GPR158: variants seen among roughly 807,000 people sequenced by gnomAD.
GPR158 encodes the protein G protein-coupled receptor 158, also known as metabotropic glycine receptor.
Under a neutral mutation model 78.2 loss-of-function variants are expected in GPR158, and 30 were observed. The ratio of observed to expected loss-of-function variants is 0.38; its 90% CI spans 0.29 to 0.52. The LOEUF (loss-of-function observed/expected upper bound fraction) is 0.52. GPR158 is among the 20% of genes least tolerant of loss of function. The probability of loss-of-function intolerance (pLI) is 0.83; values close to 1 mark genes in which losing one functional copy is unlikely to be tolerated. For synonymous variants in GPR158, 581 were observed against 591.1 expected, an observed-to-expected ratio of 0.98 and a Z score of 0.25; for missense variants, 1,463 against 1,523.5, an observed-to-expected ratio of 0.96 and a Z score of 0.66.
At chr10:25,518,192 T>C (rs1302017696) in intron 5 of GPR158, among the ~76,000 whole-genome samples, 1 of 87,470 alleles carries the variant, frequency 1.1e-5, no homozygotes, top group South Asian at 3.6e-4. Context: ...GATGGTAGTT[T>C]GTATTTCTGT....
At chr10:25,552,442 T>C (rs1218738874) in intron 6 of GPR158, among the ~76,000 whole-genome samples, 1 of 151,956 alleles carries the variant, frequency 6.6e-6, no homozygotes, top group African/African-American at 2.4e-5. Context: ...CCTGAAAGAG[T>C]AGACACCCCG....
At chr10:25,572,112 T>C (rs2130731424) in intron 6 of GPR158, among the ~76,000 whole-genome samples, 1 of 152,256 alleles carries the variant, frequency 6.6e-6, no homozygotes, top group East Asian at 1.9e-4. Context: ...TATTTTTTGA[T>C]CCCCCAGAAA....
At chr10:25,318,340 T>G (rs1365767855) in intron 2 of GPR158, among the ~76,000 whole-genome samples, 1 of 152,128 alleles carries the variant, frequency 6.6e-6, no homozygotes, top group Admixed American at 6.5e-5. Flanking sequence ...TAGAATGCTT[T>G]TTGGAGTCCC....
chr10:25,196,108 T>A (rs1852840455), intron 1 of GPR158, among the ~76,000 whole-genome samples: 1 of 148,048 alleles, frequency 6.8e-6, no homozygotes, highest in Non-Finnish European at 1.5e-5. Flanking sequence ...AGAAACTTTC[T>A]TTTATGATTA....
At position 25,602,154 on chromosome 10, in the gene GPR158, G is replaced by A. The variant is rs746130235; in HGVS notation, c.*2880G>A. On this transcript the variant is annotated 3_prime_UTR_variant, in exon 11 of 11. Coordinates refer to ENST00000376351, the MANE Select transcript of GPR158 (RefSeq NM_020752.3). ...TACAGCATCCCACCATGAAATATTTGGTAAATTTATGTTGTGACGTGTTGC... is the reference window on the plus strand; with the variant it reads ...TACAGCATCCCACCATGAAATATTTAGTAAATTTATGTTGTGACGTGTTGC... 3.3e-5 allele frequency: 5 copies of A among 152,448 alleles called. No individual in the cohort carries two copies. Among genetic ancestry groups the A allele is most frequent in the Admixed American group, 6.6e-5 (1 of 15,256 alleles). The allele number at this position is 152,448 out of a possible 1,614,324, so 9.4% of individuals were successfully genotyped here. A position where few individuals can be genotyped will look rare whatever the true frequency, so the allele number is the denominator to read the frequency against.
At chr10:25,375,858 TTTAG>T (rs1834071621) in intron 2 of GPR158, among the ~76,000 whole-genome samples, 1 of 151,620 alleles carries the variant, frequency 6.6e-6, no homozygotes. Context: ...TCGCAATTGT[TTTAG>T]TTATTCTAGG....
rs557628837 is a variant in GPR158, at chr10:25,326,127, G to C, written c.1009-69784G>C. Among the ~76,000 whole-genome samples, 4 of 152,202 alleles carry C rather than the reference G, an allele frequency of 2.6e-5. No individual in the cohort carries two copies. In the South Asian group the frequency reaches 8.3e-4, roughly 32 times the overall value. On this transcript the variant is annotated intron_variant, in intron 2 of 10. Coordinates refer to ENST00000376351, the MANE Select transcript of GPR158 (RefSeq NM_020752.3). ...CCCTCCCCCTAACAGGCTTCAGTGT[G>C]AGTTGTTCCTGCCCACATGTCCATG... is the stretch of plus-strand genomic sequence containing the variant.
At chr10:25,355,444 A>C (rs1855536086) in intron 2 of GPR158, among the ~76,000 whole-genome samples, 1 of 152,060 alleles carries the variant, frequency 6.6e-6, no homozygotes. Context: ...GTTTTACTGG[A>C]GATCACAGAG....
chr10:25,398,168 C>G (rs766454440), intron 3 of GPR158, among the ~76,000 whole-genome samples: 9 of 152,138 alleles, frequency 5.9e-5, no homozygotes, highest in Admixed American at 1.3e-4. Context: ...TGGTGAGGCC[C>G]TAAACAGAGA....
At chr10:25,237,453 C>A (rs922769768) in intron 2 of GPR158, among the ~76,000 whole-genome samples, 1 of 152,188 alleles carries the variant, frequency 6.6e-6, no homozygotes, top group Non-Finnish European at 1.5e-5. Context: ...TATCATCATA[C>A]ATACTATAAT....
At chr10:25,279,595 C>G (rs1854238391) in intron 2 of GPR158, among the ~76,000 whole-genome samples, 1 of 152,104 alleles carries the variant, frequency 6.6e-6, no homozygotes, top group Non-Finnish European at 1.5e-5. Context: ...TACATTATTT[C>G]TTACTTTTCA....
At chr10:25,218,761 C>T (rs529718254) in intron 1 of GPR158, among the ~76,000 whole-genome samples, 1 of 152,244 alleles carries the variant, frequency 6.6e-6, no homozygotes, top group East Asian at 1.9e-4. Context: ...GAAATTTCAC[C>T]TCAGTGAGAT....
intron 2 of GPR158, among the ~76,000 whole-genome samples, chr10:25,222,424 C>G (rs1307638538): frequency 6.6e-6 from 1 of 151,336 alleles, no homozygotes; most frequent in Non-Finnish European, 1.5e-5. Context: ...ATTCCCACAG[C>G]CCCCCCATTC....
intron 2 of GPR158, among the ~76,000 whole-genome samples, chr10:25,287,337 G>A (rs1264398482): frequency 6.6e-6 from 1 of 152,052 alleles, no homozygotes; most frequent in Non-Finnish European, 1.5e-5. Flanking sequence ...CATTTGTTTT[G>A]TAGGGGAGAA....
In GPR158 at chr10:25,366,903, G is replaced by T. The variant is rs189638813; in HGVS notation, c.1009-29008G>T. On this transcript the variant is annotated intron_variant, in intron 2 of 10. Transcript: ENST00000376351. ...AAGACTTTTGCTCCATTTCACATTG[G>T]CATGTCTATCTTTTTCTTATTCAGA... Among the ~76,000 whole-genome samples, 104 of 151,620 alleles carry T rather than the reference G, an allele frequency of 6.9e-4. No homozygotes were observed. The East Asian group carries it at 0.014, about 21-fold the overall frequency.
chr10:25,227,572 T>A (rs574945383), intron 2 of GPR158, among the ~76,000 whole-genome samples: 6 of 152,300 alleles, frequency 3.9e-5, no homozygotes, highest in African/African-American at 1.4e-4. Flanking sequence ...TTCTTAGTAA[T>A]TTTTCTTCTT....
chr10:25,387,668 A>G (rs1219817510), intron 2 of GPR158, among the ~76,000 whole-genome samples: 5 of 152,084 alleles, frequency 3.3e-5, no homozygotes, highest in South Asian at 2.1e-4. Flanking sequence ...GGCACACGCC[A>G]CCATGCCTGG....
chr10:25,283,412 T>C (rs1407271228), intron 2 of GPR158, among the ~76,000 whole-genome samples: 1 of 152,058 alleles, frequency 6.6e-6, no homozygotes, highest in Non-Finnish European at 1.5e-5. Flanking sequence ...TATTAAACCA[T>C]TTATGCTGAA....
Position 25,250,936 on chromosome 10 carries a change from G to T in GPR158, c.1008+29779G>T, listed in dbSNP as rs1482854316. Among the ~76,000 whole-genome samples, 11 of 151,514 alleles carry T rather than the reference G, an allele frequency of 7.3e-5. No individual in the cohort carries two copies. In the East Asian group the frequency reaches 2.1e-3, roughly 29 times the overall value. On this transcript the variant is annotated intron_variant, in intron 2 of 10. Coordinates refer to ENST00000376351, the MANE Select transcript of GPR158 (RefSeq NM_020752.3). ...GGTGTTAAAGTCTCCCATTATTATT[G>T]TGTGGGCGTCTAAGTCTCTTTGTAG...
Sources: allele counts gnomAD v4.1 joint callset (sites outside exome capture counted in the v4.1 genomes callset), GRCh38; gene constraint gnomAD v4.1.1; transcripts MANE v1.5; gene names NCBI Gene and HGNC (gene_info 2026-07-23, HGNC 2026-07-21).